CERS3: variants seen among roughly 807,000 people sequenced by gnomAD.
The protein encoded by CERS3 is LAG1 homolog, ceramide synthase 3.
CERS3 carries 33 observed loss-of-function variants against 50.3 expected under a neutral mutation model. The observed-to-expected ratio is 0.66, with a 90% CI of 0.50 to 0.88. The LOEUF (loss-of-function observed/expected upper bound fraction) is 0.88, where lower values mean the gene tolerates loss of function less well. Among genes scored for constraint, CERS3 ranks in the 40% least tolerant of loss-of-function variants. The pLI, the probability that CERS3 is intolerant of heterozygous loss-of-function variation, is 0.00. For missense variants in CERS3, 470 were observed against 460.3 expected (o/e 1.02, Z -0.19); for synonymous variants, 176 against 155.2 (o/e 1.13, Z -0.99).
At chr15:100,533,671 C>T (rs2037000357), upstream of CERS3, among the ~76,000 whole-genome samples, 1 of 151,552 alleles carries the variant, frequency 6.6e-6, no homozygotes, top group Admixed American at 6.6e-5. Flanking sequence ...GATTCTCCTG[C>T]CTCAGCCCCC....
At chr15:100,440,775 T>C (rs191485480) in intron 11 of CERS3, among the ~76,000 whole-genome samples, 1 of 152,376 alleles carries the variant, frequency 6.6e-6, no homozygotes, top group African/African-American at 2.4e-5. Flanking sequence ...CTCTTTTTAC[T>C]GTCTTCTCGA....
At chr15:100,481,425 G>C (rs956969012) in intron 5 of CERS3, among the ~76,000 whole-genome samples, 2 of 152,152 alleles carry the variant, frequency 1.3e-5, no homozygotes, top group Admixed American at 6.5e-5. Context: ...CATTTGATTT[G>C]CTAAGAGCAT....
At chr15:100,433,801 T>C (rs1805873408) in intron 11 of CERS3, among the ~76,000 whole-genome samples, 1 of 152,222 alleles carries the variant, frequency 6.6e-6, no homozygotes, top group South Asian at 2.1e-4. Flanking sequence ...ACAGAAAGCT[T>C]CAAAGTGGGC....
chr15:100,479,244 G>A (rs550195595), intron 7 of CERS3, among the ~76,000 whole-genome samples, 184 bp downstream of exon 7: 1 of 152,130 alleles, frequency 6.6e-6, no homozygotes, highest in Non-Finnish European at 1.5e-5. Flanking sequence ...TACATTAACT[G>A]TAAACAAACT....
At chr15:100,492,938 CAAATT>C (rs2035696249) in intron 3 of CERS3, among the ~76,000 whole-genome samples, 1 of 152,084 alleles carries the variant, frequency 6.6e-6, no homozygotes, top group Non-Finnish European at 1.5e-5. Context: ...AGATTAATAT[CAAATT>C]AATTTCAATA....
At chr15:100,512,660 T>A (rs2036380555) in intron 2 of CERS3, among the ~76,000 whole-genome samples, 1 of 152,160 alleles carries the variant, frequency 6.6e-6, no homozygotes, top group South Asian at 2.1e-4. Flanking sequence ...TACTAGCCAA[T>A]CTCCCATTAC....
chr15:100,527,090 T>C (rs370398675), intron 1 of CERS3, among the ~76,000 whole-genome samples: 51 of 152,072 alleles, frequency 3.4e-4, no homozygotes, highest in African/African-American at 1.2e-3. Flanking sequence ...GGCCAGGAGA[T>C]CGAGACTAGA....
chr15:100,435,837 A>G (rs2033377212), intron 11 of CERS3, among the ~76,000 whole-genome samples: 2 of 152,266 alleles, frequency 1.3e-5, no homozygotes. Context: ...ACTTTTCAAA[A>G]GAAGACATCT....
intron 2 of CERS3, among the ~76,000 whole-genome samples, chr15:100,520,893 C>A (rs939982532): frequency 2.6e-5 from 4 of 152,060 alleles, no homozygotes; most frequent in Non-Finnish European, 1.5e-5. Context: ...AGGTCAAAAC[C>A]GGGAATAATA....
chr15:100,483,121 C>G (rs1167004953), intron 5 of CERS3, among the ~76,000 whole-genome samples: 2 of 152,282 alleles, frequency 1.3e-5, no homozygotes, highest in East Asian at 3.9e-4. Flanking sequence ...CAACCTGACC[C>G]ATTCTTCAAG....
intron 11 of CERS3, among the ~76,000 whole-genome samples, chr15:100,421,083 G>T (rs2032389266): frequency 6.7e-6 from 1 of 149,828 alleles, no homozygotes; most frequent in Non-Finnish European, 1.5e-5. Flanking sequence ...TTCTGGCCAG[G>T]GCAATTAGGC....
chr15:100,409,287 G>A (rs2031292536), intron 11 of CERS3, among the ~76,000 whole-genome samples: 2 of 152,026 alleles, frequency 1.3e-5, no homozygotes, highest in South Asian at 2.1e-4. Context: ...AGACAAACAC[G>A]GACATGTTCT....
At chr15:100,520,935 T>C (rs1178980988) in intron 2 of CERS3, among the ~76,000 whole-genome samples, 1 of 152,136 alleles carries the variant, frequency 6.6e-6, no homozygotes, top group African/African-American at 2.4e-5. Context: ...TTACAAAAAG[T>C]AAATAAGATG....
intron 1 of CERS3, among the ~76,000 whole-genome samples, chr15:100,540,768 C>T (rs2037184269): frequency 6.6e-6 from 1 of 152,176 alleles, no homozygotes; most frequent in South Asian, 2.1e-4. Flanking sequence ...GCCCAGATCT[C>T]ACCCCAGAAA....
chr15:100,531,669 C>A (rs1432123684), upstream of CERS3, among the ~76,000 whole-genome samples: 1 of 152,124 alleles, frequency 6.6e-6, no homozygotes, highest in Non-Finnish European at 1.5e-5. Context: ...AAAGATAGAA[C>A]CCCAGGAAGC....
intron 11 of CERS3, among the ~76,000 whole-genome samples, chr15:100,403,657 T>C (rs1403867957): frequency 6.6e-6 from 1 of 152,186 alleles, no homozygotes; most frequent in Non-Finnish European, 1.5e-5. Context: ...AATGGACCAA[T>C]TTCTCAAAAA....
intron 4 of CERS3, among the ~76,000 whole-genome samples, chr15:100,488,154 A>C (rs563218661): frequency 7.9e-5 from 12 of 152,322 alleles, no homozygotes; most frequent in African/African-American, 2.9e-4. Flanking sequence ...CAAAACTCTC[A>C]CTGAGGCTCA....
chr15:100,415,786 G>A (rs1484860747), intron 11 of CERS3, among the ~76,000 whole-genome samples: 1 of 115,568 alleles, frequency 8.7e-6, no homozygotes, highest in Non-Finnish European at 1.9e-5. Context: ...ACCAGGGCCT[G>A]TCGGGGGGCA....
intron 11 of CERS3, among the ~76,000 whole-genome samples, chr15:100,454,182 A>G (rs1467518015): frequency 1.3e-5 from 2 of 152,204 alleles, no homozygotes; most frequent in East Asian, 3.9e-4. Flanking sequence ...CTTGACCCCA[A>G]GAGTTTGAGA....
Sources: allele counts gnomAD v4.1 joint callset (sites outside exome capture counted in the v4.1 genomes callset), GRCh38; gene constraint gnomAD v4.1.1; transcripts MANE v1.5; gene names NCBI Gene and HGNC (gene_info 2026-07-23, HGNC 2026-07-21).